Variants in MGAT4C observed in about 807,000 individuals in gnomAD.
MGAT4C encodes the protein alpha-1,3-mannosyl-glycoprotein 4-beta-N-acetylglucosaminyltransferase C.
Under a neutral mutation model 40.1 loss-of-function variants are expected in MGAT4C, and 19 were observed. The observed-to-expected ratio is 0.47, with a 90% CI of 0.33 to 0.70. MGAT4C has a LOEUF of 0.70. Among genes scored for constraint, MGAT4C ranks in the 30% least tolerant of loss-of-function variants. The pLI is 0.02. For missense variants in MGAT4C, 491 were observed against 563.2 expected, an observed-to-expected ratio of 0.87 and a Z score of 1.30; for synonymous variants, 181 against 187.1, an observed-to-expected ratio of 0.97 and a Z score of 0.27.
chr12:86,168,763 A>G (rs1886465263), intron 1 of MGAT4C, among the ~76,000 whole-genome samples: 1 of 152,150 alleles, frequency 6.6e-6, no homozygotes, highest in South Asian at 2.1e-4. Flanking sequence ...GGATGAAACC[A>G]TGTGAGAATT....
chr12:86,108,386 T>G (rs2135627605), intron 1 of MGAT4C, among the ~76,000 whole-genome samples: 1 of 152,258 alleles, frequency 6.6e-6, no homozygotes, highest in South Asian at 2.1e-4. Flanking sequence ...AAGAATAAAC[T>G]ATATTCTAAC....
At chr12:86,410,555 G>A (rs772024129) in intron 3 of MGAT4C, among the ~76,000 whole-genome samples, 68 of 152,054 alleles carry the variant, frequency 4.5e-4, no homozygotes, top group Non-Finnish European at 8.5e-4. Context: ...TATTCTGTTC[G>A]TTTTCAAGGT....
intron 1 of MGAT4C, among the ~76,000 whole-genome samples, chr12:86,108,359 A>C (rs1876594747): frequency 6.6e-6 from 1 of 152,206 alleles, no homozygotes; most frequent in Non-Finnish European, 1.5e-5. Flanking sequence ...AGGTTAAGTC[A>C]CACACTCCTA....
intron 2 of MGAT4C, among the ~76,000 whole-genome samples, chr12:86,464,072 T>C (rs1286397667): frequency 2.6e-5 from 4 of 152,208 alleles, no homozygotes; most frequent in Non-Finnish European, 1.5e-5. Flanking sequence ...TTAAGTTTGG[T>C]TGATAAACCA....
chr12:86,638,452 T>C (rs1963286357), intron 2 of MGAT4C, among the ~76,000 whole-genome samples: 1 of 151,792 alleles, frequency 6.6e-6, no homozygotes, highest in African/African-American at 2.4e-5. Context: ...AAATTGGGCT[T>C]TGGGGATGTA....
chr12:86,749,568 T>G (rs1028436506), intron 1 of MGAT4C, among the ~76,000 whole-genome samples: 23 of 151,850 alleles, frequency 1.5e-4, no homozygotes, highest in African/African-American at 5.1e-4. Context: ...TTCTCTTAAT[T>G]TTTAAAAATG....
At chr12:86,290,122 C>T (rs747419798) in intron 4 of MGAT4C, among the ~76,000 whole-genome samples, 9 of 152,006 alleles carry the variant, frequency 5.9e-5, no homozygotes, top group Non-Finnish European at 1.2e-4. Flanking sequence ...TCTCTGCTCA[C>T]GGCAACCTCT....
At position 86,012,778 on chromosome 12, in the gene MGAT4C, A is replaced by AACAACCACCACC. The variant is rs1308194133; in HGVS notation, c.-6-23227_-6-23226insGGTGGTGGTTGT. On this transcript the variant is annotated intron_variant, in intron 2 of 4. Coordinates refer to ENST00000611864, the MANE Select transcript of MGAT4C (RefSeq NM_001351288.2). ...AAACAACAACAACAACAACAACAACAACCACCACCACCACCACCACCACCA... is the reference window on the plus strand; with the variant it reads ...AAACAACAACAACAACAACAACAACAACAACCACCACCACCACCACCACCACCACCACCACCA... Among the ~76,000 whole-genome samples the AACAACCACCACC allele has an allele frequency of 8.5e-4, 116 of 136,446 alleles. 1 individual carries two copies. The highest frequency in any genetic ancestry group is 2.7e-3 in the East Asian group (11 of 4,052). The allele number at this position is 136,446 out of a possible 152,430, so 89.5% of individuals were successfully genotyped here.
intron 2 of MGAT4C, among the ~76,000 whole-genome samples, chr12:86,654,344 T>G (rs1361450806): frequency 1.4e-4 from 5 of 35,146 alleles, no homozygotes; most frequent in African/African-American, 3.3e-4. Context: ...TTTGTGGGGT[T>G]TTTTTTTTTC....
intron 1 of MGAT4C, among the ~76,000 whole-genome samples, chr12:86,175,570 A>G (rs17013677): frequency 0.034 from 5,133 of 152,130 alleles, 296 homozygotes; most frequent in African/African-American, 0.12. Flanking sequence ...TCTCTCTCAG[A>G]TTTGTAAGTA....
chr12:86,305,864 A>T (rs1178073614), intron 4 of MGAT4C, among the ~76,000 whole-genome samples: 1 of 150,446 alleles, frequency 6.6e-6, no homozygotes, highest in Non-Finnish European at 1.5e-5. Flanking sequence ...TGATTTGTTG[A>T]ATCCAGGGAT....
Position 86,038,491 on chromosome 12 carries a change from A to G in MGAT4C, c.-7+11183T>C, listed in dbSNP as rs960173840. 1.3e-5 allele frequency among the ~76,000 whole-genome samples: 2 copies of G among 149,786 alleles called. 1 individual carries two copies. The highest frequency in any genetic ancestry group is 3.0e-5 in the Non-Finnish European group (2 of 66,788). On this transcript the variant is annotated intron_variant, in intron 2 of 4. Transcript: ENST00000611864. ...CTGTTGCATTGATCCCTTTACCATT[A>G]TGTAATGCCCTTCTTTGTCTCTTTT...
At chr12:86,265,883 A>G (rs961660818) in intron 4 of MGAT4C, among the ~76,000 whole-genome samples, 15 of 152,082 alleles carry the variant, frequency 9.9e-5, no homozygotes, top group Non-Finnish European at 1.9e-4. Context: ...TTAGGTATTT[A>G]TATTTATTTT....
chr12:86,518,463 T>A (rs1958736477), intron 2 of MGAT4C, among the ~76,000 whole-genome samples: 1 of 152,214 alleles, frequency 6.6e-6, no homozygotes, highest in African/African-American at 2.4e-5. Context: ...TTCTCATACA[T>A]GAAATGCAAA....
At chr12:86,126,028 A>AGATTCAATCCTGTATACTAATTCAAG (rs1320438997) in intron 1 of MGAT4C, among the ~76,000 whole-genome samples, 6 of 152,030 alleles carry the variant, frequency 3.9e-5, no homozygotes, top group Non-Finnish European at 7.4e-5. Flanking sequence ...TCTACTAGTT[A>AGATTCAATCCTGTATACTAATTCAAG]TTAGTATACA....
Position 86,648,858 on chromosome 12 carries a change from G to A in MGAT4C, c.-229+78351C>T, listed in dbSNP as rs577956291. Among the ~76,000 whole-genome samples the A allele has an allele frequency of 3.6e-4, 54 of 151,842 alleles. 1 individual carries two copies. The highest frequency in any genetic ancestry group is 8.9e-4 in the African/African-American group (37 of 41,474). ...TGATGAATGTCACTCCTCAAAATTC[G>A]TATGTAATTGCAAGTAATACTAATT... On this transcript the variant is annotated intron_variant, in intron 2 of 7. Coordinates refer to the MGAT4C transcript ENST00000548651.
chr12:86,557,509 C>T (rs1959666847), intron 2 of MGAT4C, among the ~76,000 whole-genome samples: 1 of 152,142 alleles, frequency 6.6e-6, no homozygotes, highest in Non-Finnish European at 1.5e-5. Flanking sequence ...ATACCACCAC[C>T]ATGGTGCCTG....
chr12:86,087,507 A>C (rs1872088364), intron 1 of MGAT4C, among the ~76,000 whole-genome samples: 1 of 151,916 alleles, frequency 6.6e-6, no homozygotes, highest in African/African-American at 2.4e-5. Context: ...CTTGGCTCTC[A>C]GTTTGGACAT....
intron 2 of MGAT4C, among the ~76,000 whole-genome samples, chr12:86,047,696 G>C (rs1483024604): frequency 6.6e-6 from 1 of 152,030 alleles, no homozygotes; most frequent in Non-Finnish European, 1.5e-5. Context: ...ATTCCTGAGT[G>C]CTGCCTGGAG....
Sources: gnomAD v4.1 joint callset for allele counts (sites outside exome capture counted in the v4.1 genomes callset) on GRCh38, gnomAD v4.1.1 for gene constraint, MANE v1.5 for transcripts, NCBI Gene and HGNC (gene_info 2026-07-23, HGNC 2026-07-21) for gene names.